The following ARHGAP21 variants were observed in gnomAD, a reference collection of about 807,000 sequenced individuals.
ARHGAP21 encodes the protein rho GTPase-activating protein 21.
Under a neutral mutation model 164.6 loss-of-function variants are expected in ARHGAP21, and 38 were observed. That is an observed-to-expected ratio of 0.23 (90% CI 0.18 to 0.30). The LOEUF is 0.30. Among genes scored for constraint, ARHGAP21 ranks in the 10% least tolerant of loss-of-function variants. The probability of loss-of-function intolerance (pLI) is 1.00; values close to 1 mark genes in which losing one functional copy is unlikely to be tolerated. For synonymous variants in ARHGAP21, 766 were observed against 857.9 expected (o/e 0.89, Z 1.87); for missense variants, 1,822 against 2,370.7 (o/e 0.77, Z 4.81).
At chr10:24,635,830 C>T (rs1836329432) in intron 4 of ARHGAP21, among the ~76,000 whole-genome samples, 1 of 152,240 alleles carries the variant, frequency 6.6e-6, no homozygotes. Flanking sequence ...CAGGCGTGAG[C>T]CACCGTGCCC....
intron 21 of ARHGAP21, among the ~76,000 whole-genome samples, chr10:24,594,436 TTGAGACTAGCCTGGGCAACATGG>T (rs1458757367): frequency 6.6e-6 from 1 of 152,112 alleles, no homozygotes; most frequent in African/African-American, 2.4e-5. Flanking sequence ...GCCCAGAAGT[TTGAGACTAGCCTGGGCAACATGG>T]TGAGACCCTG....
Position 24,584,615 on chromosome 10 carries a change from G to A in ARHGAP21, c.5674C>T (p.Leu1892Phe). 1.2e-6 allele frequency: 2 copies of A among 1,613,952 alleles called. No homozygotes were observed. The highest frequency in any genetic ancestry group is 2.2e-5 in the South Asian group (2 of 91,064). ...EIATTDTPLS[L>F]HCNTGSSSST... ...GAAGAACTGCCTGTGTTGCAATGAA[G>A]AGACAAAGGTGTGTCGGTCGTGGCT... is the stretch of plus-strand genomic sequence containing the variant. Residue 1892 changes from leucine to phenylalanine, a missense_variant, in exon 26 of 26, where the codon CTT becomes TTT. Transcript: ENST00000396432.
chr10:24,658,733 C>T (rs931531472), intron 4 of ARHGAP21, among the ~76,000 whole-genome samples: 1 of 151,784 alleles, frequency 6.6e-6, no homozygotes, highest in Non-Finnish European at 1.5e-5. Flanking sequence ...ATGTAAATGA[C>T]GAGTTAACGG....
intron 2 of ARHGAP21, among the ~76,000 whole-genome samples, chr10:24,708,953 C>T (rs1287167521): frequency 6.6e-6 from 1 of 152,068 alleles, no homozygotes; most frequent in East Asian, 1.9e-4. Context: ...TGAGTAGATT[C>T]CTAGGTCAAA....
At chr10:24,673,818 C>T (rs1434860050) in intron 2 of ARHGAP21, among the ~76,000 whole-genome samples, 3 of 152,116 alleles carry the variant, frequency 2.0e-5, no homozygotes, top group Non-Finnish European at 4.4e-5. Context: ...GCCGAGATTA[C>T]ACCACTACAC....
At chr10:24,706,494 C>T (rs939052167) in intron 2 of ARHGAP21, 1 of 152,588 alleles carries the variant, frequency 6.6e-6, no homozygotes, top group South Asian at 2.1e-4. Flanking sequence ...TATATACATA[C>T]ACACTTATGA....
At chr10:24,650,583 A>C (rs1053394244) in intron 4 of ARHGAP21, among the ~76,000 whole-genome samples, 1 of 152,212 alleles carries the variant, frequency 6.6e-6, no homozygotes, top group African/African-American at 2.4e-5. Context: ...CTCAGAAAAG[A>C]GAAAAATATA....
intron 2 of ARHGAP21, among the ~76,000 whole-genome samples, chr10:24,701,125 G>A (rs1843631814): frequency 6.6e-6 from 1 of 152,066 alleles, no homozygotes; most frequent in Admixed American, 6.6e-5. Flanking sequence ...TAACAAAACA[G>A]GAGGAGCGGA....
intron 2 of ARHGAP21, among the ~76,000 whole-genome samples, chr10:24,673,939 G>T (rs1483214505): frequency 1.3e-5 from 2 of 152,140 alleles, no homozygotes; most frequent in African/African-American, 4.8e-5. Context: ...GAAAACAGGG[G>T]AAAATCTTTA....
Position 24,585,385 on chromosome 10 carries a change from G to A in ARHGAP21, c.4904C>T (p.Thr1635Ile). ...ELISEGRPVETDSESEFPVFP... is the reference protein window; with the variant it reads ...ELISEGRPVEIDSESEFPVFP... ...CACGGGAAACTCGCTCTCGCTGTCG[G>A]TTTCCACAGGCCGCCCTTCACTGAT... The change falls in exon 26 of 26, where the codon ACC becomes ATC. Residue 1635 changes from threonine to isoleucine, a missense_variant. By Grantham distance (89) the Thr-to-Ile change is moderately conservative (BLOSUM62 -1). Transcript: ENST00000396432. The A allele has an allele frequency of 6.2e-7, 1 of 1,613,930 alleles. No homozygotes were observed. Among genetic ancestry groups the A allele is most frequent in the Non-Finnish European group, 8.5e-7 (1 of 1,180,046 alleles).
intron 14 of ARHGAP21, among the ~76,000 whole-genome samples, chr10:24,598,377 A>C (rs1157693988): frequency 2.0e-5 from 3 of 152,258 alleles, no homozygotes; most frequent in African/African-American, 7.2e-5. Flanking sequence ...TATACGTGTA[A>C]GTGATTTTTC....
intron 2 of ARHGAP21, among the ~76,000 whole-genome samples, chr10:24,690,690 T>C (rs1842682045): frequency 1.3e-5 from 2 of 151,766 alleles, no homozygotes. Context: ...TTAGCAGGTG[T>C]GGTAGCATGT....
At chr10:24,621,459 T>G in intron 8 of ARHGAP21, 90 bp from the exon 9 acceptor site, 4 of 1,190,492 alleles carry the variant, frequency 3.4e-6, no homozygotes, top group Non-Finnish European at 4.6e-6. Flanking sequence ...ATCTATGTCC[T>G]ACCTCGTTCC....
intron 12 of ARHGAP21, among the ~76,000 whole-genome samples, chr10:24,602,483 T>C (rs2076853892): frequency 6.6e-6 from 1 of 152,130 alleles, no homozygotes; most frequent in African/African-American, 2.4e-5. Context: ...TAATATTTTG[T>C]TGAAATTTGG....
At chr10:24,601,863 T>G (rs567652819) in intron 13 of ARHGAP21, 115 bp downstream of exon 13, 7 of 1,086,286 alleles carry the variant, frequency 6.4e-6, no homozygotes, top group Admixed American at 3.4e-5. Context: ...TTATAAATGG[T>G]TTTTTTTTTC....
intron 14 of ARHGAP21, among the ~76,000 whole-genome samples, chr10:24,600,041 G>C (rs182988623): frequency 1.5e-4 from 22 of 150,812 alleles, no homozygotes; most frequent in Non-Finnish European, 3.1e-4. Flanking sequence ...GCTAAGGCAG[G>C]AGAATGGTGT....
chr10:24,625,846 C>T (rs1212478748), intron 7 of ARHGAP21, among the ~76,000 whole-genome samples: 1 of 152,142 alleles, frequency 6.6e-6, no homozygotes, highest in African/African-American at 2.4e-5. Flanking sequence ...AAAAAGAACA[C>T]TGGACTCAGA....
At chr10:24,664,095 A>G (rs1839954808) in intron 4 of ARHGAP21, among the ~76,000 whole-genome samples, 2 of 152,202 alleles carry the variant, frequency 1.3e-5, no homozygotes, top group Non-Finnish European at 1.5e-5. Context: ...GGTGTTGAAA[A>G]TATCATCTAC....
At chr10:24,617,653 T>C (rs949284848) in intron 9 of ARHGAP21, among the ~76,000 whole-genome samples, 7 of 152,152 alleles carry the variant, frequency 4.6e-5, no homozygotes. Context: ...AAAAAAGCTT[T>C]TAGTGTCACC....
Sources: gnomAD v4.1 joint callset for allele counts (sites outside exome capture counted in the v4.1 genomes callset) on GRCh38, gnomAD v4.1.1 for gene constraint, MANE v1.5 for transcripts, NCBI Gene and HGNC (gene_info 2026-07-23, HGNC 2026-07-21) for gene names.